ZFPM2: variants seen among roughly 807,000 people sequenced by gnomAD.
The protein encoded by ZFPM2 is zinc finger protein ZFPM2.
In ZFPM2, 20 loss-of-function variants were observed where a neutral mutation model predicts 98.6. The observed-to-expected ratio is 0.20, with a 90% confidence interval of 0.14 to 0.29. The LOEUF is 0.29. Among genes scored for constraint, ZFPM2 ranks in the 10% least tolerant of loss-of-function variants. The pLI is 1.00. For missense variants in ZFPM2, 1,310 were observed against 1,388.6 expected, an observed-to-expected ratio of 0.94 and a Z score of 0.90; for synonymous variants, 518 against 502.7, an observed-to-expected ratio of 1.03 and a Z score of -0.41.
intron 1 of ZFPM2, among the ~76,000 whole-genome samples, chr8:105,396,363 CCTGCCTTTCT>C (rs1443106690): frequency 6.6e-6 from 1 of 152,136 alleles, no homozygotes; most frequent in Non-Finnish European, 1.5e-5. Context: ...AGTGTGAGTA[CCTGCCTTTCT>C]CTGGCCTGAT....
At chr8:105,429,323 T>A (rs183728495) in intron 2 of ZFPM2, among the ~76,000 whole-genome samples, 10 of 152,030 alleles carry the variant, frequency 6.6e-5, no homozygotes, top group Non-Finnish European at 1.3e-4. Context: ...CCGTATGTGA[T>A]CATGCATGTA....
intron 1 of ZFPM2, among the ~76,000 whole-genome samples, chr8:105,385,416 C>A (rs574755798): frequency 1.1e-4 from 17 of 152,256 alleles, no homozygotes; most frequent in African/African-American, 4.1e-4. Flanking sequence ...CATCTCATTT[C>A]TCTGTTTTCA....
At chr8:105,742,377 CT>C (rs1812237440) in intron 5 of ZFPM2, among the ~76,000 whole-genome samples, 2 of 107,782 alleles carry the variant, frequency 1.9e-5, no homozygotes, top group Non-Finnish European at 3.6e-5. Context: ...GATCCTGTCT[CT>C]TAAAAAAAAA....
At position 105,803,110 on chromosome 8, in the gene ZFPM2, G is replaced by A; in HGVS notation, c.3028G>A (p.Ala1010Thr). Residue 1010 changes from alanine to threonine, a missense_variant, in exon 8 of 8, where the codon GCA (alanine) becomes ACA (threonine). Physicochemically the swap from Ala to Thr is moderately conservative, Grantham distance 58 (BLOSUM62 0). Transcript: ENST00000407775. ...CACTGACATCGAGCAAAGCAGAAAT[G>A]CAGAAAATGAATCTCCTAAAGGCCA... ...HNTDIEQSRN[A>T]ENESPKGQAS... The A allele has an allele frequency of 5.0e-6, 8 of 1,613,900 alleles. No individual in the cohort carries two copies. Among genetic ancestry groups the A allele is most frequent in the Non-Finnish European group, 5.9e-6 (7 of 1,179,848 alleles).
chr8:105,800,942 T>A (rs1813981163), intron 7 of ZFPM2, 105 bp from the exon 8 acceptor site: 1 of 1,087,568 alleles, frequency 9.2e-7, no homozygotes, highest in Non-Finnish European at 1.3e-6. Context: ...TTTGAAAGAT[T>A]TCATTCCTAT....
chr8:105,666,337 G>A (rs188994658), intron 5 of ZFPM2, among the ~76,000 whole-genome samples: 4 of 152,244 alleles, frequency 2.6e-5, no homozygotes, highest in Admixed American at 2.6e-4. Flanking sequence ...TGAATTAAAA[G>A]GAGAGTGAAA....
chr8:105,392,208 GA>G (rs1811123103), intron 1 of ZFPM2, among the ~76,000 whole-genome samples: 1 of 152,126 alleles, frequency 6.6e-6, no homozygotes, highest in African/African-American at 2.4e-5. Context: ...CAGAGGGCTT[GA>G]AATACCAATC....
chr8:105,687,800 A>G (rs1294960590), intron 5 of ZFPM2, among the ~76,000 whole-genome samples: 1 of 152,128 alleles, frequency 6.6e-6, no homozygotes, highest in South Asian at 2.1e-4. Context: ...ACTTAGCTGC[A>G]TAAAGGACGT....
chr8:105,351,383 TTGTGTGTGTGTG>T (rs895203164), intron 1 of ZFPM2, among the ~76,000 whole-genome samples: 1 of 74,598 alleles, frequency 1.3e-5, no homozygotes, highest in African/African-American at 4.0e-5. Context: ...GTGTGTGTGT[TTGTGTGTGTGTG>T]TGTATGTAAA....
intron 5 of ZFPM2, among the ~76,000 whole-genome samples, chr8:105,736,157 T>C (rs1393289863): frequency 1.3e-5 from 2 of 151,954 alleles, no homozygotes; most frequent in East Asian, 1.9e-4. Context: ...ATGGTTAAAA[T>C]TGTGGTGAGC....
intron 3 of ZFPM2, among the ~76,000 whole-genome samples, chr8:105,554,375 A>G (rs1814935999): frequency 6.6e-6 from 1 of 152,144 alleles, no homozygotes; most frequent in Admixed American, 6.6e-5. Flanking sequence ...TTAAACCATA[A>G]AATAGCAAGA....
intron 5 of ZFPM2, among the ~76,000 whole-genome samples, chr8:105,637,802 CA>C (rs1205337231): frequency 6.6e-6 from 1 of 152,130 alleles, no homozygotes; most frequent in Non-Finnish European, 1.5e-5. Flanking sequence ...CTCCTCAAAG[CA>C]AAAGCGTTTT....
chr8:105,603,367 A>G (rs1164433051), intron 4 of ZFPM2, among the ~76,000 whole-genome samples: 2 of 152,130 alleles, frequency 1.3e-5, no homozygotes, highest in Non-Finnish European at 2.9e-5. Context: ...TGAGGACAGA[A>G]TAAAAACTTA....
At chr8:105,415,781 C>T (rs980018638) in intron 1 of ZFPM2, among the ~76,000 whole-genome samples, 2 of 152,024 alleles carry the variant, frequency 1.3e-5, no homozygotes, top group African/African-American at 2.4e-5. Context: ...TTTCCCAAAG[C>T]CTGATTTGAT....
chr8:105,564,700 ACATGATTTGAG>A (rs1248257400), intron 4 of ZFPM2, among the ~76,000 whole-genome samples: 1 of 152,136 alleles, frequency 6.6e-6, no homozygotes, highest in Admixed American at 6.6e-5. Flanking sequence ...AACATCTGTA[ACATGATTTGAG>A]CATGATAAAA....
Position 105,444,370 on chromosome 8 carries a change from G to T in ZFPM2, c.290G>T (p.Trp97Leu), listed in dbSNP as rs1457237177. 9.9e-6 allele frequency: 16 copies of T among 1,611,008 alleles called. No homozygotes were observed. Among genetic ancestry groups the T allele is most frequent in the Non-Finnish European group, 1.3e-5 (15 of 1,178,310 alleles). The change falls in exon 3 of 8, where the codon TGG (tryptophan) becomes TTG (leucine). Residue 97 changes from tryptophan (W) to leucine (L), a missense_variant. Trp to Leu is a moderately conservative substitution (Grantham distance 61). Coordinates refer to ENST00000407775, the MANE Select transcript of ZFPM2 (RefSeq NM_012082.4). Reference sequence around the variant, plus strand: ...CAACCTGGAGTTGAGACAGACGACTGGGATGGACCAGGTAGGGGAGAATAT... The same window carrying T: ...CAACCTGGAGTTGAGACAGACGACTTGGATGGACCAGGTAGGGGAGAATAT... Reference protein sequence around the residue: ...PGQPGVETDDWDGPGELEVFQ... With the variant: ...PGQPGVETDDLDGPGELEVFQ...
At chr8:105,790,688 A>T (rs977023895) in intron 6 of ZFPM2, among the ~76,000 whole-genome samples, 3 of 152,114 alleles carry the variant, frequency 2.0e-5, no homozygotes, top group Non-Finnish European at 4.4e-5. Flanking sequence ...CTTGGGCAGT[A>T]TGGCCATTTT....
chr8:105,619,380 T>A (rs1225259929), intron 4 of ZFPM2, among the ~76,000 whole-genome samples: 3 of 152,082 alleles, frequency 2.0e-5, no homozygotes, highest in Non-Finnish European at 4.4e-5. Context: ...ATTTTTATTA[T>A]TAATATATTG....
intron 5 of ZFPM2, among the ~76,000 whole-genome samples, chr8:105,660,112 T>G (rs756809475): frequency 1.3e-5 from 2 of 152,162 alleles, no homozygotes; most frequent in African/African-American, 4.8e-5. Flanking sequence ...CTGCCTTGAA[T>G]AAATAAACTG....
Sources: gnomAD v4.1 joint callset for allele counts (sites outside exome capture counted in the v4.1 genomes callset) on GRCh38, gnomAD v4.1.1 for gene constraint, MANE v1.5 for transcripts, NCBI Gene and HGNC (gene_info 2026-07-23, HGNC 2026-07-21) for gene names.